The following GSTA4 variants were observed in gnomAD, a reference collection of about 807,000 sequenced individuals.
The protein encoded by GSTA4 is glutathione S-transferase A4.
Under a neutral mutation model 24.4 loss-of-function variants are expected in GSTA4, and 15 were observed. That is an observed-to-expected ratio of 0.61 (90% confidence interval 0.41 to 0.95). The LOEUF is 0.95. GSTA4 is among the 40% of genes least tolerant of loss of function. The pLI, the probability that GSTA4 is intolerant of heterozygous loss-of-function variation, is 0.00. For synonymous variants in GSTA4, 92 were observed against 94.2 expected (o/e 0.98, Z 0.13); for missense variants, 244 against 262.1 (o/e 0.93, Z 0.48).
rs1763459868 is a variant in GSTA4 at position 52,981,952 on chromosome 6, G to A, written c.546+622C>T. Among the ~76,000 whole-genome samples, 3 of 152,214 alleles carry A rather than the reference G, an allele frequency of 2.0e-5. No individual in the cohort carries two copies. The South Asian group carries it at 6.2e-4, about 31-fold the overall frequency. ...AGAAGGAGAATGGTAGGAATCCTTTGGGGTGATGTTTAGGGTGCTAACATC... is the reference window on the plus strand; with the variant it reads ...AGAAGGAGAATGGTAGGAATCCTTTAGGGTGATGTTTAGGGTGCTAACATC... On this transcript the variant is annotated intron_variant, in intron 6 of 6. Transcript: ENST00000370963.
rs564592292 is a variant in GSTA4, at chr6:52,994,249, C to T, written c.-6G>A. On this transcript the variant is annotated 5_prime_UTR_variant, in exon 2 of 7. Coordinates refer to ENST00000370963, the MANE Select transcript of GSTA4 (RefSeq NM_001512.4). ...AGCTTGGGCCTTGCTGCCATGATAGCTTTTCAGGCTTTCTGAAATACAAAT... is the reference window on the plus strand; with the variant it reads ...AGCTTGGGCCTTGCTGCCATGATAGTTTTTCAGGCTTTCTGAAATACAAAT... 1.3e-6 allele frequency: 2 copies of T among 1,592,416 alleles called. No homozygotes were observed. Among genetic ancestry groups the T allele is most frequent in the Admixed American group, 3.3e-5 (2 of 59,838 alleles).
chr6:52,985,886 A>G (rs1763544133), intron 3 of GSTA4, among the ~76,000 whole-genome samples: 1 of 152,128 alleles, frequency 6.6e-6, no homozygotes, highest in Non-Finnish European at 1.5e-5. Context: ...CCCCGCCTCT[A>G]CTAGATATAC....
At chr6:52,985,159 A>G (rs1377631891) in intron 4 of GSTA4, among the ~76,000 whole-genome samples, 3 of 152,148 alleles carry the variant, frequency 2.0e-5, no homozygotes, top group African/African-American at 7.2e-5. Flanking sequence ...ATACTTAACA[A>G]TAGTGAATGT....
chr6:52,994,239 G>A lies in GSTA4; in HGVS notation c.5C>T (p.Ala2Val), dbSNP rs755815783. The change falls in exon 2 of 7, where the codon GCA (alanine) becomes GTA (valine). Residue 2 changes from alanine to valine, a missense_variant. Physicochemically the swap from Ala to Val is moderately conservative, Grantham distance 64 (BLOSUM62 0). Transcript: ENST00000370963. M[A>V]ARPKLHYPNG... is the part of the protein sequence containing the mutation. ...GGGATAGTGGAGCTTGGGCCTTGCT[G>A]CCATGATAGCTTTTCAGGCTTTCTG... 71 of 1,606,960 alleles carry A rather than the reference G, an allele frequency of 4.4e-5. No individual in the cohort carries two copies. Among genetic ancestry groups the A allele is most frequent in the Non-Finnish European group, 5.8e-5 (68 of 1,173,750 alleles).
chr6:52,986,116 A>G (rs1013704080), intron 3 of GSTA4, among the ~76,000 whole-genome samples: 2 of 152,242 alleles, frequency 1.3e-5, no homozygotes, highest in African/African-American at 4.8e-5. Flanking sequence ...CCCAGGAAAA[A>G]TACCTATCCA....
chr6:52,989,921 G>T (rs963437299), intron 2 of GSTA4, among the ~76,000 whole-genome samples: 1 of 152,086 alleles, frequency 6.6e-6, no homozygotes, highest in Non-Finnish European at 1.5e-5. Flanking sequence ...ACAGTTCACT[G>T]CAGCCTCAAC....
chr6:52,987,732 A>T, intron 2 of GSTA4: 1 of 217,456 alleles, frequency 4.6e-6, no homozygotes, highest in Non-Finnish European at 9.1e-6. Flanking sequence ...TCGATAGTAC[A>T]GTAGGCTATA....
intron 6 of GSTA4, among the ~76,000 whole-genome samples, chr6:52,981,046 G>A (rs569900230): frequency 1.3e-5 from 2 of 151,744 alleles, no homozygotes; most frequent in South Asian, 4.2e-4. Context: ...AGTATCCTAA[G>A]TTCTGAATGA....
chr6:52,988,632 A>AG (rs1763607886), intron 2 of GSTA4, among the ~76,000 whole-genome samples: 1 of 152,238 alleles, frequency 6.6e-6, no homozygotes, highest in Non-Finnish European at 1.5e-5. Context: ...ATGAAAAAAA[A>AG]GTCAGGTCCT....
chr6:52,977,983 T>C lies in GSTA4; in HGVS notation c.*487A>G, dbSNP rs405729. The C allele has an allele frequency of 0.51, 78,488 of 152,888 alleles. 20,522 individuals carry two copies. Among genetic ancestry groups the C allele is most frequent in the East Asian group, 0.74 (3,847 of 5,184 alleles). The allele number at this position is 152,888 out of a possible 1,614,324, so 9.5% of individuals were successfully genotyped here. On this transcript the variant is annotated 3_prime_UTR_variant, in exon 7 of 7. Coordinates refer to ENST00000370963, the MANE Select transcript of GSTA4 (RefSeq NM_001512.4). The stretch of plus-strand genomic sequence containing the variant: ...CTCATAAATTCTTTATTTTGGCTAA[T>C]ACTGATTGCATTCATTACTACCATT...
chr6:52,991,179 G>A (rs955937111), intron 2 of GSTA4, among the ~76,000 whole-genome samples: 3 of 152,176 alleles, frequency 2.0e-5, no homozygotes, highest in Non-Finnish European at 2.9e-5. Context: ...CCTATATGAA[G>A]CATATTTTAA....
chr6:52,982,904 C>T lies in GSTA4; in HGVS notation c.415-199G>A, dbSNP rs113296525. Among the ~76,000 whole-genome samples, 10 of 107,810 alleles carry T rather than the reference C, an allele frequency of 9.3e-5. No homozygotes were observed. In the South Asian group the frequency reaches 1.9e-3, roughly 20 times the overall value. The allele number at this position is 107,810 out of a possible 152,430, so 70.7% of individuals were successfully genotyped here. A position where few individuals can be genotyped will look rare whatever the true frequency, so the allele number is the denominator to read the frequency against. ...GAGGGGGAGAGAGAGAGAGAGAGAG[C>T]GAGAGAGAGAGAGAGAAAGTACAAA... On this transcript the variant is annotated intron_variant, in intron 5 of 6. Coordinates refer to ENST00000370963, the MANE Select transcript of GSTA4 (RefSeq NM_001512.4).
At chr6:52,987,589 A>G (rs1763587515) in intron 2 of GSTA4, 181 bp from the exon 3 acceptor site, 1 of 519,830 alleles carries the variant, frequency 1.9e-6, no homozygotes, top group Non-Finnish European at 3.4e-6. Context: ...GAGCTAAAAA[A>G]GTGGATCTCA....
At chr6:52,990,413 G>A (rs890667925) in intron 2 of GSTA4, among the ~76,000 whole-genome samples, 1 of 152,172 alleles carries the variant, frequency 6.6e-6, no homozygotes, top group Non-Finnish European at 1.5e-5. Flanking sequence ...AAGAGACGGG[G>A]AGGGCCCCTC....
intron 4 of GSTA4, 92 bp from the exon 5 acceptor site, chr6:52,984,697 T>TC (rs1763521143): frequency 3.5e-6 from 4 of 1,154,958 alleles, no homozygotes; most frequent in Non-Finnish European, 5.0e-6. Context: ...TTTTTTTTTT[T>TC]TTAAAGATGC....
intron 6 of GSTA4, among the ~76,000 whole-genome samples, chr6:52,980,274 C>CA (rs1763424808): frequency 6.6e-6 from 1 of 151,136 alleles, no homozygotes; most frequent in African/African-American, 2.4e-5. Flanking sequence ...TGTACACAAG[C>CA]ATGTATATAT....
Position 52,978,336 on chromosome 6 carries a change from G to C in GSTA4, c.*134C>G. Reference sequence around the variant, plus strand: ...TATTTCTAGAAGAGATGATCTCGTTGACACAAAAGACCCAACTTAGGACCC... The same window carrying C: ...TATTTCTAGAAGAGATGATCTCGTTCACACAAAAGACCCAACTTAGGACCC... On this transcript the variant is annotated 3_prime_UTR_variant, in exon 7 of 7. Coordinates refer to ENST00000370963, the MANE Select transcript of GSTA4 (RefSeq NM_001512.4). 2 of 818,770 alleles carry C rather than the reference G, an allele frequency of 2.4e-6. No homozygotes were observed. Among genetic ancestry groups the C allele is most frequent in the Non-Finnish European group, 3.9e-6 (2 of 508,840 alleles). The allele number at this position is 818,770 out of a possible 1,614,324, so 50.7% of individuals were successfully genotyped here.
chr6:52,990,649 G>A (rs1220407374), intron 2 of GSTA4, among the ~76,000 whole-genome samples: 1 of 152,200 alleles, frequency 6.6e-6, no homozygotes, highest in Non-Finnish European at 1.5e-5. Flanking sequence ...AGTAGGAGGG[G>A]CAGGGTAGAA....
chr6:52,991,490 A>G (rs558575827), intron 2 of GSTA4, among the ~76,000 whole-genome samples: 12 of 131,208 alleles, frequency 9.1e-5, no homozygotes, highest in African/African-American at 3.2e-4. Context: ...TCTGGCAGGG[A>G]AAAAAAAAGT....
Sources: gnomAD v4.1 joint callset for allele counts (sites outside exome capture counted in the v4.1 genomes callset) on GRCh38, gnomAD v4.1.1 for gene constraint, MANE v1.5 for transcripts, NCBI Gene and HGNC (gene_info 2026-07-23, HGNC 2026-07-21) for gene names.